The following KIF1A variants were observed in gnomAD, a reference collection of about 807,000 sequenced individuals.
KIF1A encodes kinesin-like protein KIF1A.
In KIF1A, 46 loss-of-function variants were observed where a neutral mutation model predicts 227.3. The observed-to-expected ratio is 0.20, with a 90% confidence interval of 0.16 to 0.26. The LOEUF (loss-of-function observed/expected upper bound fraction) is 0.26, where lower values mean the gene tolerates loss of function less well. Ranked by LOEUF, KIF1A falls within the 10% of genes least tolerant of loss-of-function variation. The probability of loss-of-function intolerance (pLI) is 1.00; values close to 1 mark genes in which losing one functional copy is unlikely to be tolerated. For synonymous variants in KIF1A, 1,022 were observed against 1,012.8 expected (o/e 1.01, Z -0.17); for missense variants, 1,683 against 2,485.9 (o/e 0.68, Z 6.87).
Position 240,713,967 on chromosome 2 carries a change from C to T in KIF1A, c.*3397G>A, listed in dbSNP as rs2044384616. On this transcript the variant is annotated 3_prime_UTR_variant, in exon 49 of 49. Transcript: ENST00000498729. ...AGCCAGGGACGCGGCCTCTGAGCCA[C>T]AGGGGAACCAGGGGACGGACTAACT... The T allele has an allele frequency of 6.5e-6, 1 of 152,852 alleles. No individual in the cohort carries two copies. The highest frequency in any genetic ancestry group is 1.5e-5 in the Non-Finnish European group (1 of 68,208). 9.5% of individuals were successfully genotyped at this position (152,852 alleles called of 1,614,324 possible).
intron 15 of KIF1A, 69 bp downstream of exon 15, chr2:240,770,902 C>A (rs2051873600): frequency 2.0e-5 from 32 of 1,562,190 alleles, no homozygotes; most frequent in Non-Finnish European, 2.8e-5. Flanking sequence ...GGGCAGGGTG[C>A]CTCTCTAACT....
intron 38 of KIF1A, chr2:240,728,433 GA>G (rs1217387477): frequency 7.7e-7 from 1 of 1,295,486 alleles, no homozygotes; most frequent in East Asian, 5.6e-5. Context: ...AGGCAGCCAG[GA>G]CACACACGTA....
intron 1 of KIF1A, among the ~76,000 whole-genome samples, chr2:240,812,005 G>C (rs970560485): frequency 1.3e-5 from 2 of 152,128 alleles, no homozygotes; most frequent in African/African-American, 4.8e-5. Context: ...CTCCAGGAAA[G>C]GGAGACCATG....
rs929875963 is a variant in KIF1A, at chr2:240,734,573, CAGG to C, written c.4007+2487_4007+2489del. On this transcript the variant is annotated intron_variant, in intron 38 of 48. Transcript: ENST00000498729. The stretch of plus-strand genomic sequence containing the variant: ...ATAAAAAGAAAGAAGACGGGAGGAA[CAGG>C]AGGACAGGTGAGCACGTGTGTGAGG... The C allele has an allele frequency of 2.5e-5, 11 of 440,552 alleles. No homozygotes were observed. The East Asian group carries it at 4.3e-4, about 17-fold the overall frequency. The allele number at this position is 440,552 out of a possible 1,614,324, so 27.3% of individuals were successfully genotyped here. A position where few individuals can be genotyped will look rare whatever the true frequency, so the allele number is the denominator to read the frequency against.
rs1194679801 is a variant in KIF1A at position 240,766,739 on chromosome 2, T to TCACACACACA, written c.1684+175_1684+176insTGTGTGTGTG. Among the ~76,000 whole-genome samples the TCACACACACA allele has an allele frequency of 1.8e-4, 20 of 111,246 alleles. No homozygotes were observed. Among genetic ancestry groups the TCACACACACA allele is most frequent in the Admixed American group, 1.2e-3 (13 of 10,862 alleles). The allele number at this position is 111,246 out of a possible 152,430, so 73.0% of individuals were successfully genotyped here. A position where few individuals can be genotyped will look rare whatever the true frequency, so the allele number is the denominator to read the frequency against. The stretch of plus-strand genomic sequence containing the variant: ...CTCTCCAAATCTCTCTCTCTCTCTC[T>TCACACACACA]CTCTCTCTCTCACACACACACACAC... On this transcript the variant is annotated intron_variant, in intron 19 of 48. Coordinates refer to ENST00000498729, the MANE Select transcript of KIF1A (RefSeq NM_001244008.2). The surrounding 1 kb of genome is among the most constrained non-coding windows in gnomAD (Gnocchi z 5.0).
rs776210912 is a variant in KIF1A, at chr2:240,740,166, A to G, written c.3817-24T>C. 4.4e-6 allele frequency: 7 copies of G among 1,585,506 alleles called. No individual in the cohort carries two copies. Among genetic ancestry groups the G allele is most frequent in the African/African-American group, 2.7e-5 (2 of 74,248 alleles). On this transcript the variant is annotated intron_variant, in intron 36 of 48. Coordinates refer to ENST00000498729, the MANE Select transcript of KIF1A (RefSeq NM_001244008.2). The surrounding 1 kb of genome is among the most constrained non-coding windows in gnomAD (Gnocchi z 6.1). ...CCCTGCCGGTGCCAGGTGAGAGGAT[A>G]TGGTCAGACGGCTCAGGGGGCTACG...
rs184324379 is a variant in KIF1A at position 240,715,404 on chromosome 2, C to G, written c.*1960G>C. The stretch of plus-strand genomic sequence containing the variant: ...GAGCCCTGATTCTCCCTCACAGAAC[C>G]CCCCCATCAGCCCCTGGGAGAGCCT... On this transcript the variant is annotated 3_prime_UTR_variant, in exon 49 of 49. Coordinates refer to ENST00000498729, the MANE Select transcript of KIF1A (RefSeq NM_001244008.2). 6 of 152,372 alleles carry G rather than the reference C, an allele frequency of 3.9e-5. No individual in the cohort carries two copies. Among genetic ancestry groups the G allele is most frequent in the Non-Finnish European group, 5.9e-5 (4 of 68,090 alleles). The allele number at this position is 152,372 out of a possible 1,614,324, so 9.4% of individuals were successfully genotyped here.
chr2:240,818,977 G>T (rs894735100), intron 1 of KIF1A: 7 of 152,458 alleles, frequency 4.6e-5, no homozygotes, highest in Admixed American at 4.6e-4. Context: ...TCCCGGGGAC[G>T]TGGGCGCGCA....
In KIF1A at chr2:240,772,552, A is replaced by G; in HGVS notation, c.1207+18T>C. 2 of 1,547,366 alleles carry G rather than the reference A, an allele frequency of 1.3e-6. No individual in the cohort carries two copies. Among genetic ancestry groups the G allele is most frequent in the South Asian group, 2.4e-5 (2 of 83,948 alleles). On this transcript the variant is annotated intron_variant, in intron 14 of 48. Transcript: ENST00000498729. ...GGCTGGAAGCAGAGATGCAGAGAGC[A>G]GCAAAGGGAATACACACATTTGGGT...
At position 240,805,517 on chromosome 2, in the gene KIF1A, G is replaced by C. The variant is rs552143760; in HGVS notation, c.-60-7705C>G. ...ATATAAAACCAAAGTTCAGAGTCAA[G>C]TAATATGGAGGAATTCATTAATTTA... On this transcript the variant is annotated intron_variant, in intron 1 of 48. Transcript: ENST00000498729. Among the ~76,000 whole-genome samples, 11 of 152,298 alleles carry C rather than the reference G, an allele frequency of 7.2e-5. No homozygotes were observed. The East Asian group carries it at 1.9e-3, about 27-fold the overall frequency.
At chr2:240,768,438 C>T (rs1006222970) in intron 17 of KIF1A, among the ~76,000 whole-genome samples, 8 of 152,252 alleles carry the variant, frequency 5.3e-5, no homozygotes, top group African/African-American at 1.9e-4. Context: ...CCTGCCCAGC[C>T]CCTCCCAAGC....
chr2:240,789,328 C>T lies in KIF1A; in HGVS notation c.107-16G>A. The T allele has an allele frequency of 6.2e-7, 1 of 1,608,610 alleles. No individual in the cohort carries two copies. The highest frequency in any genetic ancestry group is 1.3e-5 in the African/African-American group (1 of 74,900). Reference sequence around the variant, plus strand: ...TTAACAATGGCTGTGGGAGGGAACACAGGTGGTTAGCGCTGTGCTGGGAGG... The same window carrying T: ...TTAACAATGGCTGTGGGAGGGAACATAGGTGGTTAGCGCTGTGCTGGGAGG... On this transcript the variant is annotated splice_polypyrimidine_tract_variant and intron_variant, in intron 2 of 48. Coordinates refer to ENST00000498729, the MANE Select transcript of KIF1A (RefSeq NM_001244008.2). The surrounding 1 kb of genome is among the most constrained non-coding windows in gnomAD (Gnocchi z 4.8).
At position 240,745,867 on chromosome 2, in the gene KIF1A, G is replaced by A; in HGVS notation, c.3245C>T (p.Ala1082Val). The A allele has an allele frequency of 6.2e-7, 1 of 1,611,720 alleles. No homozygotes were observed. Among genetic ancestry groups the A allele is most frequent in the East Asian group, 2.2e-5 (1 of 44,836 alleles). Residue 1082 changes from alanine (A) to valine (V), a missense_variant, in exon 31 of 49, where the codon GCC (alanine) becomes GTC (valine). Ala to Val is a moderately conservative substitution (Grantham distance 64, BLOSUM62 0). Transcript: ENST00000498729. ...AGCATCCAGGGGCCCATCCAGGGCG[G>A]CTTTCTCAGAGCTGTCTAGGAGGAG... is the stretch of plus-strand genomic sequence containing the variant. ...EGLLLDSSEK[A>V]ALDGPLDAAL...
intron 23 of KIF1A, 126 bp downstream of exon 23, chr2:240,762,593 A>T (rs754409838): frequency 9.2e-6 from 12 of 1,310,700 alleles, no homozygotes; most frequent in Non-Finnish European, 1.2e-5. Flanking sequence ...GTCTTTCCCT[A>T]AAGAGACAGG....
intron 1 of KIF1A, among the ~76,000 whole-genome samples, chr2:240,802,033 C>G (rs928029431): frequency 4.8e-5 from 7 of 146,806 alleles, no homozygotes; most frequent in African/African-American, 1.8e-4. Context: ...GAAAGCCACA[C>G]AAGGCACAGC....
intron 38 of KIF1A, chr2:240,728,529 C>T (rs754980287): frequency 8.6e-6 from 5 of 578,478 alleles, no homozygotes; most frequent in Admixed American, 2.4e-5. Flanking sequence ...AGGTGCACGC[C>T]GGATCTCACG....
chr2:240,783,665 A>C, intron 8 of KIF1A, 74 bp downstream of exon 8: 2 of 1,238,974 alleles, frequency 1.6e-6, no homozygotes, highest in Non-Finnish European at 2.3e-6. Flanking sequence ...GGACCCCAAC[A>C]GAGCCCTCCT....
At chr2:240,743,086 T>C in intron 33 of KIF1A, 102 bp from the exon 34 acceptor site, 1 of 844,234 alleles carries the variant, frequency 1.2e-6, no homozygotes, top group Non-Finnish European at 1.7e-6. Context: ...TCCCGGCCCC[T>C]CCCACCCTCT....
rs1040753026 is a variant in KIF1A at position 240,785,111 on chromosome 2, G to A, written c.609-11C>T. 1 of 1,607,984 alleles carries A rather than the reference G, an allele frequency of 6.2e-7. No individual in the cohort carries two copies. The highest frequency in any genetic ancestry group is 8.5e-7 in the Non-Finnish European group (1 of 1,176,304). ...GTGGCCGCCACGGTCCTGAGGAGCA[G>A]AAAGCCACGCACGGTTACCCCTCGT... On this transcript the variant is annotated splice_polypyrimidine_tract_variant and intron_variant, in intron 6 of 48. Coordinates refer to ENST00000498729, the MANE Select transcript of KIF1A (RefSeq NM_001244008.2).
Sources: allele counts gnomAD v4.1 joint callset (sites outside exome capture counted in the v4.1 genomes callset), GRCh38; gene constraint gnomAD v4.1.1; non-coding constraint Gnocchi (gnomAD v3.1); transcripts MANE v1.5; gene names NCBI Gene and HGNC (gene_info 2026-07-23, HGNC 2026-07-21).